The following AGBL1 variants were observed in gnomAD, a reference collection of about 807,000 sequenced individuals.
The protein encoded by AGBL1 is AGBL carboxypeptidase 1.
Under a neutral mutation model 118.9 loss-of-function variants are expected in AGBL1, and 130 were observed. The observed-to-expected ratio is 1.09, with a 90% CI of 0.95 to 1.26. AGBL1 has a LOEUF of 1.26. Ranked by LOEUF, AGBL1 falls within the 50% of genes most tolerant of loss-of-function variation. AGBL1 has a pLI of 0.00. For missense variants in AGBL1, 1,584 were observed against 1,298.1 expected, an observed-to-expected ratio of 1.22 and a Z score of -3.38; for synonymous variants, 555 against 478.9, an observed-to-expected ratio of 1.16 and a Z score of -2.08.
downstream of AGBL1, among the ~76,000 whole-genome samples, chr15:87,030,054 T>G (rs1364537643): frequency 6.6e-6 from 1 of 151,980 alleles, no homozygotes; most frequent in Non-Finnish European, 1.5e-5. Context: ...TAAGCAAGAT[T>G]ATTACAATTA....
At position 86,916,009 on chromosome 15, in the gene AGBL1, G is replaced by T. The variant is rs1041591367; in HGVS notation, c.*8715G>T. 6.6e-6 allele frequency: 1 copy of T among 152,154 alleles called. No homozygotes were observed. Among genetic ancestry groups the T allele is most frequent in the Non-Finnish European group, 1.5e-5 (1 of 68,030 alleles). 9.4% of individuals were successfully genotyped at this position (152,154 alleles called of 1,614,324 possible). On this transcript the variant is annotated 3_prime_UTR_variant, in exon 23 of 23. Transcript: ENST00000614907. ...TTGTTTCCTCCAAATGGCCTGTAGAGGTCAGAAAAGGGCCTTGTTTTCCAA... is the reference window on the plus strand; with the variant it reads ...TTGTTTCCTCCAAATGGCCTGTAGATGTCAGAAAAGGGCCTTGTTTTCCAA...
intron 18 of AGBL1, among the ~76,000 whole-genome samples, chr15:86,434,013 A>G (rs1567256884): frequency 6.6e-6 from 1 of 152,234 alleles, no homozygotes; most frequent in Non-Finnish European, 1.5e-5. Flanking sequence ...CAGAAATTCT[A>G]GTTGATACAG....
chr15:86,941,414 G>A (rs72755641), intron 23 of AGBL1, among the ~76,000 whole-genome samples: 5,915 of 152,168 alleles, frequency 0.039, 159 homozygotes, highest in Middle Eastern at 0.071. Flanking sequence ...ACTGGAAGTC[G>A]AGAACTCTAA....
At chr15:86,663,570 G>T (rs891789765) in intron 21 of AGBL1, among the ~76,000 whole-genome samples, 1 of 152,066 alleles carries the variant, frequency 6.6e-6, no homozygotes, top group African/African-American at 2.4e-5. Flanking sequence ...CAAAGGGGAG[G>T]GAGGCAGGCT....
At chr15:86,696,197 T>A (rs979215160) in intron 22 of AGBL1, among the ~76,000 whole-genome samples, 1 of 152,010 alleles carries the variant, frequency 6.6e-6, no homozygotes, top group Non-Finnish European at 1.5e-5. Flanking sequence ...TCCCCACTAT[T>A]ATTGTGTTGC....
At chr15:86,867,464 G>A (rs923569737) in intron 22 of AGBL1, among the ~76,000 whole-genome samples, 15 of 152,186 alleles carry the variant, frequency 9.9e-5, no homozygotes, top group African/African-American at 3.6e-4. Context: ...GTATGTGGCA[G>A]GAGTGAAAAC....
chr15:86,323,754 A>G (rs1461126621), intron 17 of AGBL1, among the ~76,000 whole-genome samples: 1 of 152,210 alleles, frequency 6.6e-6, no homozygotes, highest in Non-Finnish European at 1.5e-5. Context: ...CAACACTGTC[A>G]GTGTGACTTC....
In AGBL1 at chr15:86,295,249, C is replaced by G. The variant is rs1183114084; in HGVS notation, c.2221-6C>G. The G allele has an allele frequency of 1.9e-6, 3 of 1,613,236 alleles. No homozygotes were observed. Among genetic ancestry groups the G allele is most frequent in the Non-Finnish European group, 2.5e-6 (3 of 1,179,522 alleles). ...AATATACATGCCTGCTTTATTTCTGCTCCAGACTCATCTTGACATCCTGGA... is the reference window on the plus strand; with the variant it reads ...AATATACATGCCTGCTTTATTTCTGGTCCAGACTCATCTTGACATCCTGGA... On this transcript the variant is annotated splice_region_variant and splice_polypyrimidine_tract_variant and intron_variant, in intron 16 of 22. Transcript: ENST00000614907.
chr15:86,354,353 A>G (rs1164436329), intron 17 of AGBL1, among the ~76,000 whole-genome samples: 2 of 152,212 alleles, frequency 1.3e-5, no homozygotes, highest in East Asian at 1.9e-4. Context: ...AAAATCAAAG[A>G]CAAGTCTTTA....
chr15:86,612,694 T>C (rs1033349386), intron 21 of AGBL1, among the ~76,000 whole-genome samples: 2 of 152,210 alleles, frequency 1.3e-5, no homozygotes, highest in Non-Finnish European at 2.9e-5. Context: ...CTGTCTCTTG[T>C]GGGGAAAATT....
At chr15:86,502,067 A>G (rs4294792) in intron 18 of AGBL1, among the ~76,000 whole-genome samples, 64,627 of 151,320 alleles carry the variant, frequency 0.43, 15,107 homozygotes, top group East Asian at 0.68. Flanking sequence ...CTTCAAGTTC[A>G]TGAGTACAGG....
intron 4 of AGBL1, among the ~76,000 whole-genome samples, chr15:86,157,910 T>C (rs1383313502): frequency 6.6e-6 from 1 of 152,204 alleles, no homozygotes; most frequent in Non-Finnish European, 1.5e-5. Flanking sequence ...TGTTATCCTC[T>C]TCCAATTTCA....
At chr15:86,442,586 T>A (rs1266531538) in intron 18 of AGBL1, among the ~76,000 whole-genome samples, 2 of 152,352 alleles carry the variant, frequency 1.3e-5, no homozygotes, top group East Asian at 3.9e-4. Flanking sequence ...CGCTTTCTCT[T>A]CCTTCATTCA....
intron 22 of AGBL1, among the ~76,000 whole-genome samples, chr15:86,840,792 T>C (rs1435109342): frequency 6.6e-6 from 1 of 152,094 alleles, no homozygotes; most frequent in East Asian, 1.9e-4. Context: ...TCATCTTCTT[T>C]TTATCTCTTG....
intron 5 of AGBL1, among the ~76,000 whole-genome samples, chr15:86,216,583 C>A (rs1567133038): frequency 6.6e-6 from 1 of 152,282 alleles, no homozygotes; most frequent in East Asian, 1.9e-4. Flanking sequence ...TTTCAGATGT[C>A]AAACCAACCC....
rs532703404 is a variant in AGBL1, at chr15:86,874,424, C to A, written c.3159-32663C>A. On this transcript the variant is annotated intron_variant, in intron 22 of 22. Transcript: ENST00000614907. ...CACACACACACCCTGGGGCCAGTAA[C>A]CTATGCATAATAAATACTAAATTAT... 4.1e-5 allele frequency among the ~76,000 whole-genome samples: 6 copies of A among 147,746 alleles called. 1 individual carries two copies. The South Asian group carries it at 1.3e-3, about 32-fold the overall frequency.
chr15:86,457,470 G>T (rs1321014169), intron 18 of AGBL1, among the ~76,000 whole-genome samples: 1 of 152,114 alleles, frequency 6.6e-6, no homozygotes, highest in East Asian at 1.9e-4. Context: ...GACATCCGGA[G>T]AATACTTGAC....
At position 86,460,493 on chromosome 15, in the gene AGBL1, T is replaced by A. The variant is rs541516751; in HGVS notation, c.2556-62317T>A. On this transcript the variant is annotated intron_variant, in intron 18 of 22. Coordinates refer to ENST00000614907, the MANE Select transcript of AGBL1 (RefSeq NM_001386094.1). ...TCTGGGCAACACACAGAACAATCCCTTGTGTCTTAAAACAAAACAAAACAA... is the reference window on the plus strand; with the variant it reads ...TCTGGGCAACACACAGAACAATCCCATGTGTCTTAAAACAAAACAAAACAA... Among the ~76,000 whole-genome samples the A allele has an allele frequency of 2.7e-5, 4 of 149,862 alleles. No homozygotes were observed. In the East Asian group the frequency reaches 7.8e-4, roughly 29 times the overall value.
chr15:86,715,241 G>A (rs2086620528), intron 22 of AGBL1, among the ~76,000 whole-genome samples: 1 of 152,148 alleles, frequency 6.6e-6, no homozygotes, highest in East Asian at 1.9e-4. Context: ...GTGAATTAGT[G>A]GCAGAGACCT....
Sources: allele counts gnomAD v4.1 joint callset (sites outside exome capture counted in the v4.1 genomes callset), GRCh38; gene constraint gnomAD v4.1.1; transcripts MANE v1.5; gene names NCBI Gene and HGNC (gene_info 2026-07-23, HGNC 2026-07-21).